Variants in PCCA observed in about 807,000 individuals in gnomAD.
PCCA encodes propionyl-CoA carboxylase subunit alpha, also known as propionyl-CoA carboxylase alpha chain, mitochondrial.
A neutral mutation model predicts 101.3 loss-of-function variants in PCCA; 74 were observed. That is an observed-to-expected ratio of 0.73 (90% confidence interval 0.61 to 0.89). PCCA has a LOEUF of 0.89. Ranked by LOEUF, PCCA falls within the 40% of genes least tolerant of loss-of-function variation. The probability of loss-of-function intolerance (pLI) is 0.00; values close to 1 mark genes in which losing one functional copy is unlikely to be tolerated. For missense variants in PCCA, 891 were observed against 907.0 expected, an observed-to-expected ratio of 0.98 and a Z score of 0.23; for synonymous variants, 294 against 313.6, an observed-to-expected ratio of 0.94 and a Z score of 0.66.
chr13:100,356,301 A>T (rs901824463), intron 18 of PCCA, among the ~76,000 whole-genome samples: 23 of 151,808 alleles, frequency 1.5e-4, no homozygotes, highest in African/African-American at 4.9e-4. Context: ...TTTAAAGGAC[A>T]TGATGAAGAA....
At chr13:100,315,109 A>T (rs2067226913) in intron 16 of PCCA, among the ~76,000 whole-genome samples, 1 of 152,206 alleles carries the variant, frequency 6.6e-6, no homozygotes, top group African/African-American at 2.4e-5. Flanking sequence ...GTGTATAAAT[A>T]GAAAAAATTA....
At chr13:100,499,354 T>G (rs2085506233) in intron 21 of PCCA, among the ~76,000 whole-genome samples, 1 of 152,262 alleles carries the variant, frequency 6.6e-6, no homozygotes, top group Admixed American at 6.5e-5. Context: ...TCTGCACATC[T>G]GCAGGATGTA....
At chr13:100,160,508 GA>G (rs5806153) in intron 6 of PCCA, among the ~76,000 whole-genome samples, 11,682 of 128,790 alleles carry the variant, frequency 0.091, 569 homozygotes, top group African/African-American at 0.16. Context: ...GTCTAAAAAA[GA>G]AAAAAAAAAA....
chr13:100,265,581 C>CCCACTCCCACCTCTACCT (rs1325433243), intron 10 of PCCA, among the ~76,000 whole-genome samples: 1 of 152,160 alleles, frequency 6.6e-6, no homozygotes, highest in Non-Finnish European at 1.5e-5. Flanking sequence ...CCTACACCCA[C>CCCACTCCCACCTCTACCT]CCACTCCCAC....
intron 4 of PCCA, chr13:100,150,891 C>G: frequency 1.3e-6 from 2 of 1,552,582 alleles, no homozygotes; most frequent in Non-Finnish European, 1.8e-6. Flanking sequence ...TTTCGGCCAC[C>G]ACGGCAAACA....
chr13:100,181,755 T>A (rs1420949312), intron 6 of PCCA, among the ~76,000 whole-genome samples: 1 of 140,332 alleles, frequency 7.1e-6, no homozygotes, highest in Non-Finnish European at 1.5e-5. Flanking sequence ...TTTTTGTTTT[T>A]CTTTTTCTTT....
At chr13:100,328,551 A>G (rs990708564) in intron 16 of PCCA, among the ~76,000 whole-genome samples, 10 of 151,422 alleles carry the variant, frequency 6.6e-5, no homozygotes, top group African/African-American at 1.9e-4. Flanking sequence ...CATGGTTTCT[A>G]TGTACTAAGA....
chr13:100,331,620 T>A (rs2069591848), intron 17 of PCCA, among the ~76,000 whole-genome samples: 2 of 152,190 alleles, frequency 1.3e-5, no homozygotes, highest in African/African-American at 4.8e-5. Flanking sequence ...TTATAGAGTT[T>A]TATCATTAGT....
chr13:100,141,330 A>G (rs904592276), intron 4 of PCCA, among the ~76,000 whole-genome samples: 3 of 152,144 alleles, frequency 2.0e-5, no homozygotes, highest in Non-Finnish European at 4.4e-5. Context: ...TTCATTTATT[A>G]GAAATCCAGT....
chr13:100,218,181 T>G (rs1242015241), intron 7 of PCCA, among the ~76,000 whole-genome samples: 1 of 152,082 alleles, frequency 6.6e-6, no homozygotes, highest in Non-Finnish European at 1.5e-5. Flanking sequence ...TGCTTATATA[T>G]TTGTTTGTTT....
intron 19 of PCCA, among the ~76,000 whole-genome samples, chr13:100,374,717 C>A (rs1351905169): frequency 6.6e-6 from 1 of 152,072 alleles, no homozygotes; most frequent in Non-Finnish European, 1.5e-5. Flanking sequence ...ACTATACATG[C>A]ACTTTTTGAA....
chr13:100,153,511 A>C (rs1005173221), intron 4 of PCCA, among the ~76,000 whole-genome samples: 1 of 152,302 alleles, frequency 6.6e-6, no homozygotes, highest in Non-Finnish European at 1.5e-5. Flanking sequence ...TTTTTAAAGG[A>C]TTGTGAAGTA....
At chr13:100,349,298 T>G (rs184058140) in intron 18 of PCCA, among the ~76,000 whole-genome samples, 146 of 152,314 alleles carry the variant, frequency 9.6e-4, no homozygotes, top group Middle Eastern at 6.8e-3. Context: ...TAATTTTTTT[T>G]GTAGTTTTAG....
intron 20 of PCCA, among the ~76,000 whole-genome samples, chr13:100,446,069 A>G (rs183076096): frequency 2.6e-5 from 4 of 152,046 alleles, no homozygotes; most frequent in African/African-American, 9.7e-5. Flanking sequence ...AAACAGAGTC[A>G]CGCTGTGGTG....
Position 100,089,208 on chromosome 13 carries a change from G to A in PCCA, c.88G>A (p.Ala30Thr). 6.6e-7 allele frequency: 1 copy of A among 1,524,432 alleles called. No individual in the cohort carries two copies. The highest frequency in any genetic ancestry group is 8.8e-7 in the Non-Finnish European group (1 of 1,137,334). 94.4% of individuals were successfully genotyped at this position (1,524,432 alleles called of 1,614,324 possible). Residue 30 changes from alanine to threonine, a missense_variant, in exon 1 of 24, where the codon GCG becomes ACG. Coordinates refer to ENST00000376285, the MANE Select transcript of PCCA (RefSeq NM_000282.4). ...WPPQQLMLSA[A>T]LRTLKHVLYY... ...GCCGCAGCAGCTGATGCTGAGCGCGGCGCTGCGGACCCTGAAGGTGAGGAG... is the reference window on the plus strand; with the variant it reads ...GCCGCAGCAGCTGATGCTGAGCGCGACGCTGCGGACCCTGAAGGTGAGGAG...
At chr13:100,118,978 T>C (rs1008624633) in intron 4 of PCCA, among the ~76,000 whole-genome samples, 1 of 152,166 alleles carries the variant, frequency 6.6e-6, no homozygotes, top group Non-Finnish European at 1.5e-5. Context: ...CATTTTCTTT[T>C]TTTTTATTAA....
intron 17 of PCCA, among the ~76,000 whole-genome samples, chr13:100,337,060 G>C (rs976437647): frequency 3.8e-4 from 58 of 152,116 alleles, no homozygotes; most frequent in Non-Finnish European, 5.3e-4. Flanking sequence ...CAGCACTCTT[G>C]GTTTACGTTC....
chr13:100,297,282 TAA>T (rs2065627891), intron 12 of PCCA, among the ~76,000 whole-genome samples: 1 of 152,228 alleles, frequency 6.6e-6, no homozygotes, highest in Admixed American at 6.5e-5. Flanking sequence ...TGAGACTCTA[TAA>T]ATAGCCAGCA....
At chr13:100,338,379 A>G (rs769168309) in intron 17 of PCCA, among the ~76,000 whole-genome samples, 1 of 152,200 alleles carries the variant, frequency 6.6e-6, no homozygotes, top group Non-Finnish European at 1.5e-5. Context: ...TCATCACACA[A>G]TATGTGTCCC....
Sources: gnomAD v4.1 joint callset for allele counts (sites outside exome capture counted in the v4.1 genomes callset) on GRCh38, gnomAD v4.1.1 for gene constraint, MANE v1.5 for transcripts, NCBI Gene and HGNC (gene_info 2026-07-23, HGNC 2026-07-21) for gene names.